Variants in CNBD1 observed in about 807,000 individuals in gnomAD.
CNBD1 encodes cyclic nucleotide binding domain containing 1.
In CNBD1, 71 loss-of-function variants were observed where a neutral mutation model predicts 54.4. That is an observed-to-expected ratio of 1.30 (90% CI 1.08 to 1.59). The LOEUF (loss-of-function observed/expected upper bound fraction) is 1.59, where lower values mean the gene tolerates loss of function less well. Ranked by LOEUF, CNBD1 falls within the 40% of genes most tolerant of loss-of-function variation. The probability of loss-of-function intolerance (pLI) is 0.00; values close to 1 mark genes in which losing one functional copy is unlikely to be tolerated. For synonymous variants in CNBD1, 182 were observed against 170.7 expected, an observed-to-expected ratio of 1.07 and a Z score of -0.51; for missense variants, 659 against 518.0, an observed-to-expected ratio of 1.27 and a Z score of -2.64.
chr8:86,885,030 A>G (rs1239802136), intron 1 of CNBD1, among the ~76,000 whole-genome samples: 1 of 152,090 alleles, frequency 6.6e-6, no homozygotes, highest in Non-Finnish European at 1.5e-5. Flanking sequence ...GTGGCTATGT[A>G]TTTACAGAAT....
intron 6 of CNBD1, among the ~76,000 whole-genome samples, chr8:87,270,741 G>A (rs1187808488): frequency 1.3e-5 from 2 of 151,598 alleles, no homozygotes; most frequent in African/African-American, 2.4e-5. Flanking sequence ...GTCTTGTTTT[G>A]CTGTGTGGGT....
chr8:87,259,653 G>T (rs538012604), intron 6 of CNBD1, among the ~76,000 whole-genome samples: 1 of 152,222 alleles, frequency 6.6e-6, no homozygotes, highest in African/African-American at 2.4e-5. Flanking sequence ...CAGACAGAAC[G>T]AGATTACTAC....
Position 87,128,258 on chromosome 8 carries a change from C to T in CNBD1, c.432-77735C>T, listed in dbSNP as rs62527285. The stretch of plus-strand genomic sequence containing the variant: ...GAGCTGGTTAACACTTAAGCCATCC[C>T]GGATGGCAAGGCTAAAAGAGGATAC... On this transcript the variant is annotated intron_variant, in intron 4 of 10. Transcript: ENST00000518476. Among the ~76,000 whole-genome samples, 919 of 152,306 alleles carry T rather than the reference C, an allele frequency of 6.0e-3. 4 individuals are homozygous for T. Among genetic ancestry groups the T allele is most frequent in the Non-Finnish European group, 9.6e-3 (653 of 68,018 alleles).
chr8:87,384,383 A>G (rs546091855), downstream of CNBD1, among the ~76,000 whole-genome samples: 1 of 152,232 alleles, frequency 6.6e-6, no homozygotes, highest in African/African-American at 2.4e-5. Flanking sequence ...GATCATACTT[A>G]GAAAATATAT....
chr8:87,307,005 A>G (rs1414356448), intron 8 of CNBD1, among the ~76,000 whole-genome samples: 6 of 152,210 alleles, frequency 3.9e-5, no homozygotes, highest in African/African-American at 1.4e-4. Flanking sequence ...CCTAACCTCA[A>G]AAATAAATAA....
At chr8:86,882,424 C>T (rs762166114) in intron 1 of CNBD1, among the ~76,000 whole-genome samples, 5 of 152,022 alleles carry the variant, frequency 3.3e-5, no homozygotes, top group Non-Finnish European at 7.4e-5. Context: ...TGGAAAAAAG[C>T]TCAACATCAC....
chr8:87,274,371 G>C lies in CNBD1; in HGVS notation c.772-10307G>C, dbSNP rs201251309. ...ACTGACTTCCACAGTGGTTGAACTA[G>C]TTTACAGTCCCACCAACAGTGTAAA... On this transcript the variant is annotated intron_variant, in intron 6 of 10. Coordinates refer to ENST00000518476, the MANE Select transcript of CNBD1 (RefSeq NM_173538.3). 1.7e-3 allele frequency among the ~76,000 whole-genome samples: 252 copies of C among 147,814 alleles called. 10 individuals carry two copies. The East Asian group carries it at 0.045, about 26-fold the overall frequency.
In CNBD1 at chr8:87,003,749, G is replaced by T. The variant is rs62526211; in HGVS notation, c.431+63995G>T. Among the ~76,000 whole-genome samples the T allele has an allele frequency of 7.0e-3, 1,071 of 152,236 alleles. 3 individuals are homozygous for T. The highest frequency in any genetic ancestry group is 0.012 in the Non-Finnish European group (791 of 68,004). On this transcript the variant is annotated intron_variant, in intron 4 of 10. Transcript: ENST00000518476. ...ACAAGAAGGACAAAGGGAGAAGGAG[G>T]AAATAGCAGTCTGTGAACTAGGGTC...
At chr8:87,268,596 T>G (rs1193842184) in intron 6 of CNBD1, among the ~76,000 whole-genome samples, 1 of 152,082 alleles carries the variant, frequency 6.6e-6, no homozygotes, top group Non-Finnish European at 1.5e-5. Flanking sequence ...CCAACATCTG[T>G]TGTTTTATGA....
intron 2 of CNBD1, among the ~76,000 whole-genome samples, chr8:87,421,012 A>G (rs1317308436): frequency 6.6e-6 from 1 of 152,008 alleles, no homozygotes; most frequent in Non-Finnish European, 1.5e-5. Flanking sequence ...TCAAGAATCA[A>G]AATTCTGGAT....
intron 4 of CNBD1, among the ~76,000 whole-genome samples, chr8:87,105,833 G>T (rs1811523430): frequency 6.6e-6 from 1 of 151,774 alleles, no homozygotes; most frequent in Non-Finnish European, 1.5e-5. Flanking sequence ...TCCTGATCCT[G>T]AGAGGAGGTC....
At chr8:86,868,219 A>G (rs1379371959) in intron 1 of CNBD1, among the ~76,000 whole-genome samples, 2 of 152,220 alleles carry the variant, frequency 1.3e-5, no homozygotes. Flanking sequence ...AGGAATGCAC[A>G]TTTACATACC....
intron 8 of CNBD1, among the ~76,000 whole-genome samples, chr8:87,335,556 G>A (rs1359391328): frequency 6.6e-6 from 1 of 151,666 alleles, no homozygotes; most frequent in Admixed American, 6.6e-5. Context: ...CCATTTTTTT[G>A]GTAAATTTTC....
intron 4 of CNBD1, among the ~76,000 whole-genome samples, chr8:87,179,751 T>C (rs781436842): frequency 7.2e-4 from 110 of 152,274 alleles, no homozygotes; most frequent in Non-Finnish European, 1.2e-3. Flanking sequence ...CACTACAGAT[T>C]GCAACATATA....
chr8:87,207,475 C>A (rs1477628862), intron 5 of CNBD1, among the ~76,000 whole-genome samples: 2 of 151,796 alleles, frequency 1.3e-5, no homozygotes, highest in East Asian at 3.9e-4. Flanking sequence ...CACACACACA[C>A]ATAAACATAT....
intron 4 of CNBD1, among the ~76,000 whole-genome samples, chr8:87,020,411 C>G (rs182471545): frequency 6.6e-6 from 1 of 152,110 alleles, no homozygotes; most frequent in South Asian, 2.1e-4. Context: ...AAATCAAACA[C>G]CCCTAGGAAT....
intron 5 of CNBD1, among the ~76,000 whole-genome samples, chr8:87,236,058 T>TA (rs35579706): frequency 2.6e-5 from 4 of 151,778 alleles, no homozygotes; most frequent in African/African-American, 7.3e-5. Flanking sequence ...TTTAGGACAT[T>TA]AAAAAAAATG....
At chr8:87,083,745 C>T (rs1467387531) in intron 4 of CNBD1, among the ~76,000 whole-genome samples, 2 of 151,942 alleles carry the variant, frequency 1.3e-5, no homozygotes, top group African/African-American at 2.4e-5. Context: ...CCTACCACCA[C>T]ACCCGGCTAA....
intron 4 of CNBD1, among the ~76,000 whole-genome samples, chr8:86,959,698 A>T (rs1033042794): frequency 2.6e-5 from 4 of 152,112 alleles, no homozygotes; most frequent in Non-Finnish European, 5.9e-5. Flanking sequence ...TTTCAGCTCC[A>T]TCAGGTCATT....
Sources: gnomAD v4.1 joint callset for allele counts (sites outside exome capture counted in the v4.1 genomes callset) on GRCh38, gnomAD v4.1.1 for gene constraint, MANE v1.5 for transcripts, NCBI Gene and HGNC (gene_info 2026-07-23, HGNC 2026-07-21) for gene names.